HCAR3: variants seen among roughly 807,000 people sequenced by gnomAD.
The protein encoded by HCAR3 is G-protein coupled receptor 109B.
For synonymous variants in HCAR3, 167 were observed against 201.0 expected (o/e 0.83, Z 1.43); for missense variants, 404 against 501.2 (o/e 0.81, Z 1.85).
In HCAR3 at chr12:122,716,289, A is replaced by G. The variant is rs1252694005; in HGVS notation, c.449T>C (p.Leu150Pro). The G allele has an allele frequency of 1.9e-6, 3 of 1,614,138 alleles. No individual in the cohort carries two copies. The highest frequency in any genetic ancestry group is 2.5e-6 in the Non-Finnish European group (3 of 1,180,016). The change falls in exon 1 of 1, where the codon CTT becomes CCT. Residue 150 changes from leucine to proline, a missense_variant. Physicochemically the swap from Leu to Pro is moderately conservative, Grantham distance 98. Transcript: ENST00000528880. ...TAGGCCAACAGTGATGCCCCACAGA[A>G]GGCAAGAGATGATGGCTGCTGTCCA... ...SNWTAAIISCLLWGITVGLTV... is the reference protein window; with the variant it reads ...SNWTAAIISCPLWGITVGLTV...
Position 122,714,958 on chromosome 12 carries a change from G to A in HCAR3, c.*616C>T, listed in dbSNP as rs1183094283. ...AACCCTTAGATTACTATAAACAAGA[G>A]AGGAATGGATTGCATTAGTCGCTGG... On this transcript the variant is annotated 3_prime_UTR_variant, in exon 1 of 1. Transcript: ENST00000528880. 1.3e-5 allele frequency: 2 copies of A among 151,784 alleles called. No individual in the cohort carries two copies. The highest frequency in any genetic ancestry group is 4.9e-5 in the African/African-American group (2 of 41,096). 9.4% of individuals were successfully genotyped at this position (151,784 alleles called of 1,614,324 possible). A position where few individuals can be genotyped will look rare whatever the true frequency, so the allele number is the denominator to read the frequency against.
At position 122,715,544 on chromosome 12, in the gene HCAR3, C is replaced by T; in HGVS notation, c.*30G>A. On this transcript the variant is annotated 3_prime_UTR_variant, in exon 1 of 1. Transcript: ENST00000528880. ...ATCAGATTCTCTGAATCTGGAAGTT[C>T]CAGGAAATCTTAGGCCGAGTCCAGT... 6.5e-7 allele frequency: 1 copy of T among 1,534,706 alleles called. No individual in the cohort carries two copies. The highest frequency in any genetic ancestry group is 8.8e-7 in the Non-Finnish European group (1 of 1,140,344).
rs1379050911 is a variant in HCAR3, at chr12:122,715,271, T to C, written c.*303A>G. 1 of 302,388 alleles carries C rather than the reference T, an allele frequency of 3.3e-6. No homozygotes were observed. The highest frequency in any genetic ancestry group is 6.4e-6 in the Non-Finnish European group (1 of 156,270). The allele number at this position is 302,388 out of a possible 1,614,324, so 18.7% of individuals were successfully genotyped here. On this transcript the variant is annotated 3_prime_UTR_variant, in exon 1 of 1. Coordinates refer to ENST00000528880, the MANE Select transcript of HCAR3 (RefSeq NM_006018.3). ...TGCTAGAGCTCACAAGCAGGCTAGA[T>C]ATCACCCCAGGAGCTGAGCCCCCTC...
In HCAR3 at chr12:122,716,244, T is replaced by C. The variant is rs1877543645; in HGVS notation, c.494A>G (p.Lys165Arg). ...AGTGCCATTCTGGATCAGCAACTTC[T>C]TCTTCAGGAGGTGGACTGTTAGGCC... is the stretch of plus-strand genomic sequence containing the variant. ...TVGLTVHLLK[K>R]KLLIQNGTAN... The change falls in exon 1 of 1, where the codon AAG becomes AGG. Residue 165 changes from lysine to arginine, a missense_variant. Lys to Arg is a conservative substitution (Grantham distance 26, BLOSUM62 2). Transcript: ENST00000528880. The C allele has an allele frequency of 6.2e-7, 1 of 1,614,114 alleles. No homozygotes were observed. Among genetic ancestry groups the C allele is most frequent in the East Asian group, 2.2e-5 (1 of 44,888 alleles).
At position 122,715,735 on chromosome 12, in the gene HCAR3, G is replaced by C; in HGVS notation, c.1003C>G (p.Pro335Ala). Residue 335 changes from proline (P) to alanine (A), a missense_variant, in exon 1 of 1, where the codon CCC becomes GCC. Coordinates refer to ENST00000528880, the MANE Select transcript of HCAR3 (RefSeq NM_006018.3). ...RSTSVELTGD[P>A]NKTRGAPEAL... ...TCTGGAGCGCCTCTGGTTTTGTTGG[G>C]GTCCCCTGTGAGCTCGACGCTCGTG... 6.2e-7 allele frequency: 1 copy of C among 1,610,522 alleles called. No homozygotes were observed. The highest frequency in any genetic ancestry group is 8.5e-7 in the Non-Finnish European group (1 of 1,178,548).
At position 122,715,764 on chromosome 12, in the gene HCAR3, C is replaced by A; in HGVS notation, c.974G>T (p.Arg325Leu). 1.2e-6 allele frequency: 2 copies of A among 1,607,154 alleles called. No homozygotes were observed. Among genetic ancestry groups the A allele is most frequent in the Non-Finnish European group, 8.5e-7 (1 of 1,176,844 alleles). The change falls in exon 1 of 1, where the codon CGC (arginine) becomes CTC (leucine). Residue 325 changes from arginine (R) to leucine (L), a missense_variant. Coordinates refer to ENST00000528880, the MANE Select transcript of HCAR3 (RefSeq NM_006018.3). ...RKITGEPDNNRSTSVELTGDP... is the reference protein window; with the variant it reads ...RKITGEPDNNLSTSVELTGDP... ...CCCTGTGAGCTCGACGCTCGTGCTGCGGTTATTATCTGGCTCACCTGTTAT... is the reference window on the plus strand; with the variant it reads ...CCCTGTGAGCTCGACGCTCGTGCTGAGGTTATTATCTGGCTCACCTGTTAT...
rs765355631 is a variant in HCAR3, at chr12:122,716,083, G to T, written c.655C>A (p.Gln219Lys). The T allele has an allele frequency of 5.0e-6, 8 of 1,612,114 alleles. No homozygotes were observed. Among genetic ancestry groups the T allele is most frequent in the African/African-American group, 4.0e-5 (3 of 74,644 alleles). ...ARIIWSLRQR[Q>K]MDRHAKIKRA... The stretch of plus-strand genomic sequence containing the variant: ...TTGATCTTGGCATGCCGGTCCATTT[G>T]TCTCTGCCGCAGGCTCCAGATAATT... Residue 219 changes from glutamine to lysine, a missense_variant, in exon 1 of 1, where the codon CAA becomes AAA. Gln to Lys is a moderately conservative substitution (Grantham distance 53). Coordinates refer to ENST00000528880, the MANE Select transcript of HCAR3 (RefSeq NM_006018.3).
chr12:122,715,330 A>G lies in HCAR3; in HGVS notation c.*244T>C. The G allele has an allele frequency of 6.0e-6, 3 of 498,428 alleles. No individual in the cohort carries two copies. Among genetic ancestry groups the G allele is most frequent in the Non-Finnish European group, 7.2e-6 (2 of 278,682 alleles). The allele number at this position is 498,428 out of a possible 1,614,324, so 30.9% of individuals were successfully genotyped here. A position where few individuals can be genotyped will look rare whatever the true frequency, so the allele number is the denominator to read the frequency against. On this transcript the variant is annotated 3_prime_UTR_variant, in exon 1 of 1. Coordinates refer to ENST00000528880, the MANE Select transcript of HCAR3 (RefSeq NM_006018.3). ...GGCAGATGTGGGAAGAAGGCCAACA[A>G]GTCACAAGTAGATCTCTGGCTCCAA...
In HCAR3 at chr12:122,715,707, G is replaced by A. The variant is rs751433160; in HGVS notation, c.1031C>T (p.Ala344Val). The A allele has an allele frequency of 3.0e-5, 48 of 1,609,346 alleles. 1 individual carries two copies. Among genetic ancestry groups the A allele is most frequent in the Non-Finnish European group, 3.7e-5 (44 of 1,177,870 alleles). Residue 344 changes from alanine (A) to valine (V), a missense_variant, in exon 1 of 1, where the codon GCG becomes GTG. By Grantham distance (64) the Ala-to-Val change is moderately conservative (BLOSUM62 0). Coordinates refer to ENST00000528880, the MANE Select transcript of HCAR3 (RefSeq NM_006018.3). ...DPNKTRGAPEALIANSGEPWS... is the reference protein window; with the variant it reads ...DPNKTRGAPEVLIANSGEPWS... ...TGGCTCACCGGAGTTGGCGATTAAC[G>A]CCTCTGGAGCGCCTCTGGTTTTGTT...
rs777761875 is a variant in HCAR3, at chr12:122,715,652, T to G, written c.1086A>C (p.Ser362=). 4.3e-6 allele frequency: 7 copies of G among 1,613,902 alleles called. No individual in the cohort carries two copies. In the East Asian group the frequency reaches 1.3e-4, roughly 31 times the overall value. Residue 362 remains serine (S), a synonymous_variant, in exon 1 of 1, where the codon TCA becomes TCC. Transcript: ENST00000528880. Reference sequence around the variant, plus strand: ...AATGTCCCTTCTTGGAATGGTTATTTGAGGTTGGGCCCAGATAAGAGGGGC... The same window carrying G: ...AATGTCCCTTCTTGGAATGGTTATTGGAGGTTGGGCCCAGATAAGAGGGGC... ...PWSPSYLGPT[S]NNHSKKGHCH...
chr12:122,715,821 G>A lies in HCAR3; in HGVS notation c.917C>T (p.Ser306Phe). 2 of 1,599,210 alleles carry A rather than the reference G, an allele frequency of 1.3e-6. No homozygotes were observed. Among genetic ancestry groups the A allele is most frequent in the South Asian group, 2.2e-5 (2 of 90,662 alleles). Residue 306 changes from serine (S) to phenylalanine (F), a missense_variant, in exon 1 of 1, where the codon TCC becomes TTC. Transcript: ENST00000528880. ...CTGGAGGCAGCGGTTGATCAAAGTG[G>A]AGAAGAAGTTGGGAAAGGATGGGCT... is the stretch of plus-strand genomic sequence containing the variant. ...FSSPSFPNFF[S>F]TLINRCLQRK... is the part of the protein sequence containing the mutation.
In HCAR3 at chr12:122,716,667, T is replaced by A; in HGVS notation, c.71A>T (p.Asp24Val). 1 of 1,614,024 alleles carries A rather than the reference T, an allele frequency of 6.2e-7. No homozygotes were observed. The highest frequency in any genetic ancestry group is 8.5e-7 in the Non-Finnish European group (1 of 1,180,012). The change falls in exon 1 of 1, where the codon GAC (aspartate) becomes GTC (valine). Residue 24 changes from aspartate (D) to valine (V), a missense_variant. Physicochemically the swap from Asp to Val is radical, Grantham distance 152. Coordinates refer to ENST00000528880, the MANE Select transcript of HCAR3 (RefSeq NM_006018.3). ...CGGCGGCAACACCTTGGCAATGAAG[T>A]CATCTCGGAACACACAGCAGTTCTT... ...DKKNCCVFRDDFIAKVLPPVL... is the reference protein window; with the variant it reads ...DKKNCCVFRDVFIAKVLPPVL...
At position 122,715,161 on chromosome 12, in the gene HCAR3, C is replaced by T. The variant is rs1877498364; in HGVS notation, c.*413G>A. 6.0e-6 allele frequency: 1 copy of T among 167,982 alleles called. No individual in the cohort carries two copies. The highest frequency in any genetic ancestry group is 1.3e-5 in the Non-Finnish European group (1 of 76,414). 10.4% of individuals were successfully genotyped at this position (167,982 alleles called of 1,614,324 possible). On this transcript the variant is annotated 3_prime_UTR_variant, in exon 1 of 1. Coordinates refer to ENST00000528880, the MANE Select transcript of HCAR3 (RefSeq NM_006018.3). Reference sequence around the variant, plus strand: ...GAAAGATGAATTGGTCCACGGAAGCCAGGTGACCTACTGGCTTGTTTAATG... The same window carrying T: ...GAAAGATGAATTGGTCCACGGAAGCTAGGTGACCTACTGGCTTGTTTAATG...
Position 122,716,419 on chromosome 12 carries a change from A to G in HCAR3, c.319T>C (p.Phe107Leu), listed in dbSNP as rs753183372. ...ATGCTGCCCTGGCGGTTCATGGCAA[A>G]CATGAAGAGCACCAGCCGGCAAGGG... ...DIPCRLVLFM[F>L]AMNRQGSIIF... Residue 107 changes from phenylalanine (F) to leucine (L), a missense_variant, in exon 1 of 1, where the codon TTT becomes CTT. By Grantham distance (22) the Phe-to-Leu change is conservative. Coordinates refer to ENST00000528880, the MANE Select transcript of HCAR3 (RefSeq NM_006018.3). 1 of 1,613,998 alleles carries G rather than the reference A, an allele frequency of 6.2e-7. No individual in the cohort carries two copies. The highest frequency in any genetic ancestry group is 2.2e-5 in the East Asian group (1 of 44,868).
chr12:122,716,148 A>T lies in HCAR3; in HGVS notation c.590T>A (p.Phe197Tyr). Residue 197 changes from phenylalanine to tyrosine, a missense_variant, in exon 1 of 1, where the codon TTC becomes TAC. By Grantham distance (22) the Phe-to-Tyr change is conservative. Transcript: ENST00000528880. ...RWHEAMFLLE[F>Y]FLPLGIILFC... is the part of the protein sequence containing the mutation. ...CAGGATGATGCCCAGGGGCAGGAAG[A>T]ACTCCAGGAGGAACATAGCTTCGTG... is the stretch of plus-strand genomic sequence containing the variant. 2 of 1,613,990 alleles carry T rather than the reference A, an allele frequency of 1.2e-6. No homozygotes were observed. Among genetic ancestry groups the T allele is most frequent in the Non-Finnish European group, 1.7e-6 (2 of 1,179,958 alleles).
In HCAR3 at chr12:122,716,771, C is replaced by A. The variant is rs1170313029; in HGVS notation, c.-34G>T. On this transcript the variant is annotated 5_prime_UTR_variant, in exon 1 of 1. Coordinates refer to ENST00000528880, the MANE Select transcript of HCAR3 (RefSeq NM_006018.3). ...CTAGTGAGTCCGATGGAGCGCCTCG[C>A]CTAGTGAATGCTCCAGCAAAGTGGC... The A allele has an allele frequency of 6.2e-7, 1 of 1,602,822 alleles. No homozygotes were observed. Among genetic ancestry groups the A allele is most frequent in the Non-Finnish European group, 8.5e-7 (1 of 1,172,800 alleles).
In HCAR3 at chr12:122,715,219, C is replaced by T. The variant is rs1255162565; in HGVS notation, c.*355G>A. ...GGCTTCCTCCAGGAACAACACAATT[C>T]CCTCCAATCTCAGCTCTCCTTATCC... On this transcript the variant is annotated 3_prime_UTR_variant, in exon 1 of 1. Transcript: ENST00000528880. 5.5e-6 allele frequency: 1 copy of T among 180,360 alleles called. No homozygotes were observed. The highest frequency in any genetic ancestry group is 2.4e-5 in the African/African-American group (1 of 41,776). 11.2% of individuals were successfully genotyped at this position (180,360 alleles called of 1,614,324 possible). A position where few individuals can be genotyped will look rare whatever the true frequency, so the allele number is the denominator to read the frequency against.
chr12:122,716,554 T>G lies in HCAR3; in HGVS notation c.184A>C (p.Ser62Arg). ...FCFHLKSWKSSRIFLFNLAVA... is the reference protein window; with the variant it reads ...FCFHLKSWKSRRIFLFNLAVA... The stretch of plus-strand genomic sequence containing the variant: ...GCCAGGTTGAACAGGAAAATCCGGC[T>G]GGATTTCCAGGACTTGAGGTGGAAA... The change falls in exon 1 of 1, where the codon AGC becomes CGC. Residue 62 changes from serine to arginine, a missense_variant. Ser to Arg is a moderately radical substitution (Grantham distance 110). Coordinates refer to ENST00000528880, the MANE Select transcript of HCAR3 (RefSeq NM_006018.3). 1.2e-6 allele frequency: 2 copies of G among 1,614,122 alleles called. No individual in the cohort carries two copies. Among genetic ancestry groups the G allele is most frequent in the Non-Finnish European group, 1.7e-6 (2 of 1,180,012 alleles).
At position 122,715,467 on chromosome 12, in the gene HCAR3, T is replaced by G; in HGVS notation, c.*107A>C. 8.1e-7 allele frequency: 1 copy of G among 1,237,138 alleles called. No individual in the cohort carries two copies. The highest frequency in any genetic ancestry group is 1.5e-5 in the South Asian group (1 of 67,698). 76.6% of individuals were successfully genotyped at this position (1,237,138 alleles called of 1,614,324 possible). A position where few individuals can be genotyped will look rare whatever the true frequency, so the allele number is the denominator to read the frequency against. The stretch of plus-strand genomic sequence containing the variant: ...TTACTCTCTGTTCCTCCAGGATTCC[T>G]GCGGTCACACCTTGCAACCAGTCTC... On this transcript the variant is annotated 3_prime_UTR_variant, in exon 1 of 1. Coordinates refer to ENST00000528880, the MANE Select transcript of HCAR3 (RefSeq NM_006018.3).
Sources: allele counts gnomAD v4.1 joint callset, GRCh38; gene constraint gnomAD v4.1.1; transcripts MANE v1.5; gene names NCBI Gene and HGNC (gene_info 2026-07-23, HGNC 2026-07-21).